The following TMEM74 variants were observed in gnomAD, a reference collection of about 807,000 sequenced individuals.
TMEM74 encodes the protein transmembrane protein 74.
TMEM74 carries 13 observed loss-of-function variants against 18.1 expected under a neutral mutation model. The observed-to-expected ratio is 0.72, with a 90% confidence interval of 0.47 to 1.14. The LOEUF is 1.14. Ranked by LOEUF, TMEM74 falls within the 50% of genes most tolerant of loss-of-function variation. The pLI is 0.00. For synonymous variants in TMEM74, 159 were observed against 146.6 expected (o/e 1.08, Z -0.61); for missense variants, 372 against 375.9 (o/e 0.99, Z 0.09).
intron 1 of TMEM74, among the ~76,000 whole-genome samples, chr8:108,674,189 A>C (rs779046227): frequency 1.1e-4 from 17 of 152,110 alleles, no homozygotes; most frequent in Admixed American, 3.9e-4. Flanking sequence ...CCCCATATAC[A>C]TGAGCTTTGT....
At chr8:108,720,152 A>T (rs1374743818) in intron 1 of TMEM74, among the ~76,000 whole-genome samples, 10 of 152,026 alleles carry the variant, frequency 6.6e-5, no homozygotes, top group Admixed American at 5.9e-4. Flanking sequence ...AAATCACTCC[A>T]CAAGGGTGGG....
chr8:108,650,690 T>C (rs1025677519), intron 2 of TMEM74, among the ~76,000 whole-genome samples: 1 of 151,240 alleles, frequency 6.6e-6, no homozygotes, highest in African/African-American at 2.4e-5. Context: ...TTTATTCTCA[T>C]TGAGGCATTC....
intron 1 of TMEM74, among the ~76,000 whole-genome samples, chr8:108,671,588 A>T (rs986994071): frequency 6.6e-6 from 1 of 152,170 alleles, no homozygotes; most frequent in Non-Finnish European, 1.5e-5. Flanking sequence ...TTTCCGTGGC[A>T]TGGTGCAGCT....
intron 2 of TMEM74, among the ~76,000 whole-genome samples, chr8:108,627,996 T>G (rs1361873520): frequency 1.3e-5 from 2 of 152,022 alleles, no homozygotes; most frequent in Non-Finnish European, 2.9e-5. Context: ...TGGTGAAGGT[T>G]GCAATTAACT....
intron 1 of TMEM74, chr8:108,655,465 A>T (rs1461853634): frequency 2.6e-5 from 4 of 152,112 alleles, no homozygotes. Context: ...TAAAAAAAAA[A>T]GAAGAAAGTT....
Position 108,780,270 on chromosome 8 carries a change from G to T in TMEM74, c.*3911C>A, listed in dbSNP as rs1188452567. ...CAGGTTGAAAAACCTTCTCCTAAGA[G>T]ATATACATATAGAACACTTTTTTAA... On this transcript the variant is annotated 3_prime_UTR_variant, in exon 2 of 2. Coordinates refer to ENST00000297459, the MANE Select transcript of TMEM74 (RefSeq NM_153015.3). Among the ~76,000 whole-genome samples, 1 of 152,102 alleles carries T rather than the reference G, an allele frequency of 6.6e-6. No homozygotes were observed. Among genetic ancestry groups the T allele is most frequent in the Non-Finnish European group, 1.5e-5 (1 of 68,004 alleles).
rs1316274346 is a variant in TMEM74 at position 108,784,151 on chromosome 8, G to A, written c.*30C>T. 1.3e-6 allele frequency: 2 copies of A among 1,497,864 alleles called. No homozygotes were observed. The highest frequency in any genetic ancestry group is 2.2e-5 in the Admixed American group (1 of 45,550). 92.8% of individuals were successfully genotyped at this position (1,497,864 alleles called of 1,614,324 possible). On this transcript the variant is annotated 3_prime_UTR_variant, in exon 2 of 2. Transcript: ENST00000297459. ...CTTTTTTCATATTATAAAATGCCAA[G>A]GCAGACTCTCAAGATATTCACAACC... is the stretch of plus-strand genomic sequence containing the variant.
intron 2 of TMEM74, chr8:108,652,610 T>C (rs911969062): frequency 4.8e-6 from 3 of 623,746 alleles, no homozygotes; most frequent in East Asian, 2.8e-5. Context: ...TGGGAAAAGA[T>C]AGTTGCAGTA....
chr8:108,642,019 A>T (rs1812670021), intron 2 of TMEM74, among the ~76,000 whole-genome samples: 1 of 152,174 alleles, frequency 6.6e-6, no homozygotes, highest in Admixed American at 6.5e-5. Flanking sequence ...AATGATTAGT[A>T]ATCATCATTA....
intron 2 of TMEM74, chr8:108,652,590 A>C: frequency 1.6e-6 from 1 of 618,802 alleles, no homozygotes; most frequent in South Asian, 1.6e-5. Context: ...TCCAGAGAAA[A>C]CAGAGACACT....
intron 1 of TMEM74, among the ~76,000 whole-genome samples, chr8:108,714,142 C>T (rs1247738917): frequency 6.6e-6 from 1 of 152,180 alleles, no homozygotes; most frequent in Non-Finnish European, 1.5e-5. Context: ...AACACCCTCA[C>T]AGACACCCCA....
At chr8:108,682,426 T>C (rs548933209) in intron 1 of TMEM74, among the ~76,000 whole-genome samples, 5 of 152,210 alleles carry the variant, frequency 3.3e-5, no homozygotes, top group African/African-American at 1.2e-4. Flanking sequence ...TCTGAATACA[T>C]AGAACAACAA....
intron 1 of TMEM74, among the ~76,000 whole-genome samples, chr8:108,766,810 C>T (rs1814112461): frequency 6.6e-6 from 1 of 152,156 alleles, no homozygotes; most frequent in Admixed American, 6.6e-5. Context: ...CAGTCTGTGG[C>T]CAAAGGCCCA....
chr8:108,634,781 G>A (rs1240634572), intron 2 of TMEM74, among the ~76,000 whole-genome samples: 1 of 151,984 alleles, frequency 6.6e-6, no homozygotes, highest in Non-Finnish European at 1.5e-5. Context: ...CAGAATCTGG[G>A]TAATGCAAAT....
intron 1 of TMEM74, among the ~76,000 whole-genome samples, chr8:108,686,588 T>C (rs533938923): frequency 6.6e-6 from 1 of 152,094 alleles, no homozygotes. Flanking sequence ...AAACTAGGTT[T>C]AGTTTTGGAA....
At chr8:108,645,032 C>T (rs537658435) in intron 2 of TMEM74, among the ~76,000 whole-genome samples, 1 of 152,232 alleles carries the variant, frequency 6.6e-6, no homozygotes, top group Non-Finnish European at 1.5e-5. Flanking sequence ...AATCATTCTA[C>T]CAAAGAGACA....
intron 2 of TMEM74, among the ~76,000 whole-genome samples, chr8:108,616,759 T>A (rs1812387920): frequency 6.6e-6 from 1 of 152,124 alleles, no homozygotes; most frequent in Non-Finnish European, 1.5e-5. Context: ...TGTAGATTTG[T>A]GCTTAAGTTG....
At chr8:108,704,735 G>C (rs1414618486) in intron 1 of TMEM74, among the ~76,000 whole-genome samples, 1 of 152,178 alleles carries the variant, frequency 6.6e-6, no homozygotes, top group Non-Finnish European at 1.5e-5. Context: ...CCCTCCAAGA[G>C]GAACTGTCAG....
chr8:108,764,643 T>A (rs976445404), intron 1 of TMEM74, among the ~76,000 whole-genome samples: 1 of 152,078 alleles, frequency 6.6e-6, no homozygotes. Context: ...GAGACAGTAT[T>A]TCTTTATGCT....
Sources: gnomAD v4.1 joint callset for allele counts (sites outside exome capture counted in the v4.1 genomes callset) on GRCh38, gnomAD v4.1.1 for gene constraint, MANE v1.5 for transcripts, NCBI Gene and HGNC (gene_info 2026-07-23, HGNC 2026-07-21) for gene names.